ARPP21: variants seen among roughly 807,000 people sequenced by gnomAD.
The protein encoded by ARPP21 is cAMP regulated phosphoprotein 21.
A neutral mutation model predicts 113.2 loss-of-function variants in ARPP21; 69 were observed. That is an observed-to-expected ratio of 0.61 (90% CI 0.50 to 0.74). The LOEUF is 0.74. Among genes scored for constraint, ARPP21 ranks in the 30% least tolerant of loss-of-function variants. The probability of loss-of-function intolerance (pLI) is 0.00; values close to 1 mark genes in which losing one functional copy is unlikely to be tolerated. For synonymous variants in ARPP21, 368 were observed against 375.5 expected (o/e 0.98, Z 0.23); for missense variants, 1,070 against 1,037.4 (o/e 1.03, Z -0.43).
At chr3:35,712,897 G>A (rs1005274191) in intron 11 of ARPP21, among the ~76,000 whole-genome samples, 1 of 152,104 alleles carries the variant, frequency 6.6e-6, no homozygotes, top group Admixed American at 6.6e-5. Flanking sequence ...AGGTTAAATT[G>A]ATAAAGCAAT....
intron 19 of ARPP21, among the ~76,000 whole-genome samples, chr3:35,763,973 G>A (rs192460080): frequency 0.013 from 2,009 of 152,010 alleles, 17 homozygotes; most frequent in African/African-American, 0.029. Context: ...AGACCCGCCT[G>A]GGCAACATAG....
At chr3:35,715,367 A>C in intron 11 of ARPP21, 72 bp from the exon 12 acceptor site, 1 of 1,252,154 alleles carries the variant, frequency 8.0e-7, no homozygotes, top group East Asian at 2.3e-5. Flanking sequence ...TTAGTTTTAA[A>C]ATCAGGCAAG....
chr3:35,666,028 C>G (rs941021404), intron 1 of ARPP21, among the ~76,000 whole-genome samples: 1 of 152,010 alleles, frequency 6.6e-6, no homozygotes, highest in African/African-American at 2.4e-5. Flanking sequence ...TCCAACCTTA[C>G]GGTTCAAAGA....
At chr3:35,788,558 T>A (rs750795751) in intron 19 of ARPP21, among the ~76,000 whole-genome samples, 1 of 152,186 alleles carries the variant, frequency 6.6e-6, no homozygotes, top group Non-Finnish European at 1.5e-5. Flanking sequence ...CCGCCTTCCC[T>A]GTTTCAACCT....
At chr3:35,772,566 C>A (rs988743022) in intron 19 of ARPP21, among the ~76,000 whole-genome samples, 2 of 152,154 alleles carry the variant, frequency 1.3e-5, no homozygotes, top group South Asian at 4.1e-4. Flanking sequence ...ATGTTTTCTG[C>A]GCTCAGAGAT....
At chr3:35,762,690 A>G (rs1215731216) in intron 19 of ARPP21, among the ~76,000 whole-genome samples, 3 of 152,156 alleles carry the variant, frequency 2.0e-5, no homozygotes, top group Non-Finnish European at 4.4e-5. Flanking sequence ...CTAAAATAAC[A>G]CTAAGTATTA....
At chr3:35,710,112 C>A (rs1371227927) in intron 11 of ARPP21, among the ~76,000 whole-genome samples, 7 of 152,078 alleles carry the variant, frequency 4.6e-5, no homozygotes, top group South Asian at 2.1e-4. Flanking sequence ...TTATATCCCG[C>A]CCCCTACAAC....
intron 19 of ARPP21, among the ~76,000 whole-genome samples, chr3:35,762,245 T>C (rs2095811135): frequency 6.6e-6 from 1 of 152,018 alleles, no homozygotes; most frequent in Non-Finnish European, 1.5e-5. Flanking sequence ...CAATTAAAAT[T>C]ACAGAGATAT....
intron 9 of ARPP21, among the ~76,000 whole-genome samples, chr3:35,692,424 A>G (rs2082498994): frequency 6.6e-6 from 1 of 151,590 alleles, no homozygotes; most frequent in Admixed American, 6.6e-5. Context: ...GCTTTTAGAT[A>G]TCATCATGCA....
At chr3:35,680,350 A>T (rs1480537161) in intron 2 of ARPP21, among the ~76,000 whole-genome samples, 1 of 151,904 alleles carries the variant, frequency 6.6e-6, no homozygotes, top group Non-Finnish European at 1.5e-5. Flanking sequence ...ACCTGAATGC[A>T]TTGCTTACTA....
intron 9 of ARPP21, among the ~76,000 whole-genome samples, chr3:35,698,522 A>C (rs1268064604): frequency 6.6e-6 from 1 of 151,634 alleles, no homozygotes; most frequent in Non-Finnish European, 1.5e-5. Context: ...TACTCATGAC[A>C]TCCTAGGTAG....
Position 35,793,683 on chromosome 3 carries a change from G to T in ARPP21, c.2287-18G>T. The T allele has an allele frequency of 1.9e-6, 3 of 1,604,418 alleles. No individual in the cohort carries two copies. The highest frequency in any genetic ancestry group is 1.1e-5 in the South Asian group (1 of 90,876). ...AATAGTCTCTTCATACAGGGTTCTT[G>T]CTTGTGTCTTTTTACAGGTGCCAAT... On this transcript the variant is annotated intron_variant, in intron 20 of 20. Transcript: ENST00000684406.
intron 6 of ARPP21, among the ~76,000 whole-genome samples, chr3:35,688,278 G>A (rs2081200928): frequency 6.6e-6 from 1 of 151,540 alleles, no homozygotes; most frequent in Non-Finnish European, 1.5e-5. Context: ...ACAGAGAGTG[G>A]ATTAGCAATT....
chr3:35,734,531 T>TCC (rs1438376116), intron 15 of ARPP21, among the ~76,000 whole-genome samples: 1 of 152,196 alleles, frequency 6.6e-6, no homozygotes, highest in Non-Finnish European at 1.5e-5. Context: ...CACATTTGCT[T>TCC]CCCCATCACA....
At chr3:35,746,518 A>G (rs1468471266) in intron 19 of ARPP21, among the ~76,000 whole-genome samples, 1 of 152,172 alleles carries the variant, frequency 6.6e-6, no homozygotes, top group African/African-American at 2.4e-5. Context: ...AAGTCAAACT[A>G]TGGGCTACTA....
chr3:35,642,324 G>C (rs904443502), intron 1 of ARPP21: 1 of 152,112 alleles, frequency 6.6e-6, no homozygotes, highest in African/African-American at 2.4e-5. Flanking sequence ...ATGAAGGAGC[G>C]AGCGCCTCAC....
rs139587015 is a variant in ARPP21, at chr3:35,687,776, T to G, written c.299T>G (p.Leu100Arg). ...TTACAGCTTTCCAGTTTTTCCAGCC[T>G]GCAAGAGGAGGATAAATCTAGGAAA... is the stretch of plus-strand genomic sequence containing the variant. ...IHLQLSSFSSLQEEDKSRKDD... is the reference protein window; with the variant it reads ...IHLQLSSFSSRQEEDKSRKDD... Residue 100 changes from leucine to arginine, a missense_variant, in exon 6 of 21, where the codon CTG becomes CGG. By Grantham distance (102) the Leu-to-Arg change is moderately radical (BLOSUM62 -2). Coordinates refer to ENST00000684406, the MANE Select transcript of ARPP21 (RefSeq NM_001385562.1). The G allele has an allele frequency of 2.8e-5, 45 of 1,605,214 alleles. No homozygotes were observed. The African/African-American group carries it at 5.8e-4, about 21-fold the overall frequency.
chr3:35,681,940 T>G, intron 3 of ARPP21, 60 bp downstream of exon 3: 1 of 1,537,598 alleles, frequency 6.5e-7, no homozygotes, highest in Non-Finnish European at 8.8e-7. Flanking sequence ...CCTTCTTTTA[T>G]TTTCAGAATA....
Position 35,661,460 on chromosome 3 carries a change from A to T in ARPP21, c.-212-18327A>T, listed in dbSNP as rs562353830. Among the ~76,000 whole-genome samples, 102 of 152,302 alleles carry T rather than the reference A, an allele frequency of 6.7e-4. 1 individual carries two copies. Among genetic ancestry groups the T allele is most frequent in the Non-Finnish European group, 4.3e-4 (29 of 68,022 alleles). On this transcript the variant is annotated intron_variant, in intron 1 of 20. Transcript: ENST00000684406. ...CATGGAATACTGCTCAGCACATAGA[A>T]ACATGCTGTAAGTGTTAGTTGCTGC...
Sources: gnomAD v4.1 joint callset for allele counts (sites outside exome capture counted in the v4.1 genomes callset) on GRCh38, gnomAD v4.1.1 for gene constraint, MANE v1.5 for transcripts, NCBI Gene and HGNC (gene_info 2026-07-23, HGNC 2026-07-21) for gene names.